The following MDN1 variants were observed in gnomAD, a reference collection of about 807,000 sequenced individuals.
The protein encoded by MDN1 is midasin AAA ATPase 1.
Under a neutral mutation model 669.2 loss-of-function variants are expected in MDN1, and 266 were observed. That is an observed-to-expected ratio of 0.40 (90% CI 0.36 to 0.44). The LOEUF (loss-of-function observed/expected upper bound fraction) is 0.44. Among genes scored for constraint, MDN1 ranks in the 20% least tolerant of loss-of-function variants. The pLI, the probability that MDN1 is intolerant of heterozygous loss-of-function variation, is 1.00. For synonymous variants in MDN1, 2,385 were observed against 2,457.1 expected, an observed-to-expected ratio of 0.97 and a Z score of 0.87; for missense variants, 5,940 against 6,754.0, an observed-to-expected ratio of 0.88 and a Z score of 4.22.
rs760931317 is a variant in MDN1, at chr6:89,648,291, T to C, written c.16245A>G (p.Leu5415=). 4 of 1,614,050 alleles carry C rather than the reference T, an allele frequency of 2.5e-6. No individual in the cohort carries two copies. The highest frequency in any genetic ancestry group is 1.1e-5 in the South Asian group (1 of 91,086). The change falls in exon 98 of 102, where the codon CTA becomes CTG. Residue 5415 remains leucine, a synonymous_variant. Coordinates refer to ENST00000369393, the MANE Select transcript of MDN1 (RefSeq NM_014611.3). ...CAATCTGACCCACTTCCAGGAGGGT[T>C]AGAGCATTTCCAATCACAGCCAAAG... ...FESLAVIGNA[L]TLLEVGQIAV...
chr6:89,819,588 T>A lies in MDN1; in HGVS notation c.20A>T (p.Glu7Val), dbSNP rs1432009046. 1 of 1,602,024 alleles carries A rather than the reference T, an allele frequency of 6.2e-7. No individual in the cohort carries two copies. Among genetic ancestry groups the A allele is most frequent in the Non-Finnish European group, 8.5e-7 (1 of 1,179,928 alleles). Residue 7 changes from glutamate to valine, a missense_variant, in exon 1 of 102, where the codon GAG becomes GTG. By Grantham distance (121) the Glu-to-Val change is moderately radical. Transcript: ENST00000369393. ...TAACCGCAGCGGCGCGGCTGCCACC[T>A]CCAGCAAGAAGTGCTCCATGACCCA... The part of the protein sequence containing the change: MEHFLL[E>V]VAAAPLRLIA...
At position 89,674,230 on chromosome 6, in the gene MDN1, C is replaced by T. The variant is rs1364490190; in HGVS notation, c.13121G>A (p.Arg4374Gln). The T allele has an allele frequency of 1.9e-6, 3 of 1,614,206 alleles. No individual in the cohort carries two copies. The highest frequency in any genetic ancestry group is 2.5e-6 in the Non-Finnish European group (3 of 1,180,042). ...GSQLPSGCRM[R>Q]KQDHLWQQST... ...CTGTTGCCAAAGGTGATCCTGTTTC[C>T]GCATCCGGCAACCAGAGGGCAGCTG... Residue 4374 changes from arginine to glutamine, a missense_variant, in exon 79 of 102, where the codon CGG (arginine) becomes CAG (glutamine). By Grantham distance (43) the Arg-to-Gln change is conservative. Transcript: ENST00000369393.
At chr6:89,702,700 T>C (rs1038291018) in intron 53 of MDN1, among the ~76,000 whole-genome samples, 1 of 152,222 alleles carries the variant, frequency 6.6e-6, no homozygotes, top group Admixed American at 6.5e-5. Context: ...AGTATATTCA[T>C]TCTCTCACAG....
chr6:89,819,566 C>G lies in MDN1; in HGVS notation c.42G>C (p.Arg14=). ...TCTTCTCGTTCTTGGCTGCGATTAACCGCAGCGGCGCGGCTGCCACCTCCA... is the reference window on the plus strand; with the variant it reads ...TCTTCTCGTTCTTGGCTGCGATTAAGCGCAGCGGCGCGGCTGCCACCTCCA... ...FLLEVAAAPL[R]LIAAKNEKSR... The change falls in exon 1 of 102, where the codon CGG becomes CGC. Residue 14 remains arginine, a synonymous_variant. Coordinates refer to ENST00000369393, the MANE Select transcript of MDN1 (RefSeq NM_014611.3). 1 of 1,603,846 alleles carries G rather than the reference C, an allele frequency of 6.2e-7. No individual in the cohort carries two copies. Among genetic ancestry groups the G allele is most frequent in the Non-Finnish European group, 8.5e-7 (1 of 1,179,962 alleles).
intron 88 of MDN1, among the ~76,000 whole-genome samples, chr6:89,660,343 C>G (rs1380892788): frequency 1.3e-5 from 2 of 151,992 alleles, no homozygotes; most frequent in Non-Finnish European, 2.9e-5. Context: ...TGCCATAATG[C>G]CCAACTAATT....
chr6:89,683,354 TAAG>T (rs1562084109), intron 72 of MDN1, 24 bp from the exon 73 acceptor site: 6 of 1,604,804 alleles, frequency 3.7e-6, no homozygotes, highest in African/African-American at 1.3e-5. Flanking sequence ...ATGACAGAGA[TAAG>T]AAGAAAAAAA....
chr6:89,725,834 C>T (rs1398746525), intron 37 of MDN1, among the ~76,000 whole-genome samples: 2 of 150,008 alleles, frequency 1.3e-5, no homozygotes, highest in Non-Finnish European at 3.0e-5. Flanking sequence ...ACCTTAGCTT[C>T]CCAATGTTAG....
chr6:89,796,583 G>T (rs760511124), intron 2 of MDN1, among the ~76,000 whole-genome samples: 3 of 152,052 alleles, frequency 2.0e-5, no homozygotes, highest in Non-Finnish European at 2.9e-5. Flanking sequence ...AATTTGAGTA[G>T]GCTCATCAAT....
rs1373306723 is a variant in MDN1 at position 89,714,663 on chromosome 6, C to T, written c.6949G>A (p.Asp2317Asn). ...GLEIYISGEG[D>N]ASTPDNLDLK... ...TCCAGGTTGTCTGGGGTGCTTGCAT[C>T]CCCTTCCCCTGAAATGTAGATTTCA... Residue 2317 changes from aspartate (D) to asparagine (N), a missense_variant, in exon 46 of 102, where the codon GAT (aspartate) becomes AAT (asparagine). Asp to Asn is a conservative substitution (Grantham distance 23, BLOSUM62 1). Coordinates refer to ENST00000369393, the MANE Select transcript of MDN1 (RefSeq NM_014611.3). 5.0e-6 allele frequency: 8 copies of T among 1,614,024 alleles called. No homozygotes were observed. Among genetic ancestry groups the T allele is most frequent in the African/African-American group, 2.7e-5 (2 of 74,928 alleles).
chr6:89,771,477 G>A, intron 15 of MDN1, 84 bp downstream of exon 15: 1 of 1,199,592 alleles, frequency 8.3e-7, no homozygotes. Flanking sequence ...CCTAGAACCT[G>A]TGGTTGTTAA....
chr6:89,784,413 C>T (rs936565725), intron 9 of MDN1, among the ~76,000 whole-genome samples: 7 of 152,174 alleles, frequency 4.6e-5, no homozygotes, highest in African/African-American at 1.7e-4. Context: ...GCATCTCTTC[C>T]ATGTCTGAAT....
chr6:89,692,931 T>C lies in MDN1; in HGVS notation c.10099A>G (p.Ser3367Gly). Residue 3367 changes from serine (S) to glycine (G), a missense_variant, in exon 63 of 102, where the codon AGC becomes GGC. Ser to Gly is a moderately conservative substitution (Grantham distance 56). Transcript: ENST00000369393. ...DGPRSAQVAQ[S>G]LLKEEASWQQ... is the part of the protein sequence containing the mutation. Reference sequence around the variant, plus strand: ...CAAGAGGCCTCCTCCTTTAGAAGGCTCTGGGCTACTTGGGCAGACCGTGGC... The same window carrying C: ...CAAGAGGCCTCCTCCTTTAGAAGGCCCTGGGCTACTTGGGCAGACCGTGGC... 1 of 1,614,208 alleles carries C rather than the reference T, an allele frequency of 6.2e-7. No individual in the cohort carries two copies. Among genetic ancestry groups the C allele is most frequent in the Non-Finnish European group, 8.5e-7 (1 of 1,180,026 alleles).
At chr6:89,655,640 T>C (rs536654374) in intron 92 of MDN1, 124 bp downstream of exon 92, 3 of 873,740 alleles carry the variant, frequency 3.4e-6, no homozygotes, top group South Asian at 1.7e-5. Context: ...TCATTAAACA[T>C]TGTATACATG....
chr6:89,724,164 A>G (rs1027214409), intron 38 of MDN1, among the ~76,000 whole-genome samples: 1 of 152,166 alleles, frequency 6.6e-6, no homozygotes, highest in African/African-American at 2.4e-5. Flanking sequence ...AAAAAAAGAT[A>G]CATGTTATTA....
At chr6:89,785,868 G>T (rs1365071952) in intron 8 of MDN1, among the ~76,000 whole-genome samples, 1 of 152,162 alleles carries the variant, frequency 6.6e-6, no homozygotes, top group African/African-American at 2.4e-5. Context: ...GGTCAGCCAG[G>T]CTCAGTGGCT....
chr6:89,812,213 T>G (rs1291837786), intron 1 of MDN1, among the ~76,000 whole-genome samples: 1 of 151,902 alleles, frequency 6.6e-6, no homozygotes, highest in Non-Finnish European at 1.5e-5. Context: ...CTCAAACTCC[T>G]GACCTCGTGA....
chr6:89,721,632 T>C (rs1814828833), intron 40 of MDN1, among the ~76,000 whole-genome samples: 1 of 152,168 alleles, frequency 6.6e-6, no homozygotes, highest in South Asian at 2.1e-4. Flanking sequence ...GAAAGGGTCT[T>C]GCCTCACCCA....
At chr6:89,780,711 C>A (rs533548776) in intron 10 of MDN1, among the ~76,000 whole-genome samples, 2 of 141,338 alleles carry the variant, frequency 1.4e-5, no homozygotes, top group South Asian at 2.2e-4. Context: ...AGTGCGTGAT[C>A]TCGGCTCACT....
At chr6:89,788,008 AAAT>A (rs1483255454) in intron 7 of MDN1, 51 bp from the exon 8 acceptor site, 1 of 1,455,554 alleles carries the variant, frequency 6.9e-7, no homozygotes, top group South Asian at 1.2e-5. Flanking sequence ...ATTAAGACAG[AAAT>A]AATCAAAACA....
Sources: gnomAD v4.1 joint callset for allele counts (sites outside exome capture counted in the v4.1 genomes callset) on GRCh38, gnomAD v4.1.1 for gene constraint, MANE v1.5 for transcripts, NCBI Gene and HGNC (gene_info 2026-07-23, HGNC 2026-07-21) for gene names.